Variants in PAK3 observed in about 807,000 individuals in gnomAD.
PAK3 encodes the protein p21 (RAC1) activated kinase 3.
Under a neutral mutation model 41.0 loss-of-function variants are expected in PAK3, and 4 were observed. That is an observed-to-expected ratio of 0.10 (90% CI 0.05 to 0.22). The LOEUF is 0.22. Ranked by LOEUF, PAK3 falls within the 10% of genes least tolerant of loss-of-function variation. The pLI is 1.00. For missense variants in PAK3, 205 were observed against 409.9 expected, an observed-to-expected ratio of 0.50 and a Z score of 4.32; for synonymous variants, 146 against 139.6, an observed-to-expected ratio of 1.05 and a Z score of -0.32.
intron 1 of PAK3, among the ~76,000 whole-genome samples, chrX:111,015,291 A>G (rs150416191): frequency 0.036 from 4,027 of 110,431 alleles, 172 homozygotes; most frequent in African/African-American, 0.12. Context: ...TTCCTTTTCT[A>G]TGACTGAATA....
At chrX:110,976,772 T>C (rs1471589147) in intron 1 of PAK3, among the ~76,000 whole-genome samples, 1 of 111,670 alleles carries the variant, frequency 9.0e-6, no homozygotes, top group African/African-American at 3.3e-5. Flanking sequence ...TGGAATACTA[T>C]GCAGCCATAA....
intron 1 of PAK3, among the ~76,000 whole-genome samples, chrX:111,027,575 C>T (rs113852283): frequency 0.019 from 2,159 of 112,094 alleles, 54 homozygotes; most frequent in African/African-American, 0.067. Context: ...AAATGCTCAA[C>T]ATCACTAATT....
intron 1 of PAK3, among the ~76,000 whole-genome samples, chrX:111,079,831 G>A (rs1267759441): frequency 8.9e-6 from 1 of 112,072 alleles, no homozygotes; most frequent in African/African-American, 3.2e-5. Flanking sequence ...GTATTAACAG[G>A]AGTTTGGAAG....
intron 3 of PAK3, among the ~76,000 whole-genome samples, chrX:111,098,208 C>T (rs2093044972): frequency 9.1e-6 from 1 of 109,939 alleles, no homozygotes; most frequent in Admixed American, 9.7e-5. Context: ...GGTGGACATA[C>T]CAGGTGAGGG....
intron 1 of PAK3, among the ~76,000 whole-genome samples, chrX:111,028,327 A>T (rs1203231921): frequency 1.8e-5 from 2 of 109,642 alleles, no homozygotes; most frequent in Non-Finnish European, 3.8e-5. Flanking sequence ...GCACAAAAAT[A>T]TCGGAAATCA....
At chrX:111,014,052 GT>G (rs2092051600) in intron 1 of PAK3, among the ~76,000 whole-genome samples, 1 of 111,982 alleles carries the variant, frequency 8.9e-6, no homozygotes, top group African/African-American at 3.2e-5. Context: ...CCTTTGAAAT[GT>G]TTCAAACATC....
At chrX:111,125,433 C>T (rs1407210197) in intron 5 of PAK3, among the ~76,000 whole-genome samples, 3 of 111,242 alleles carry the variant, frequency 2.7e-5, no homozygotes, top group Non-Finnish European at 5.7e-5. Context: ...TTCTTGTCTC[C>T]AGAGGTTATT....
At chrX:110,967,434 G>A (rs2091104687) in intron 1 of PAK3, among the ~76,000 whole-genome samples, 1 of 111,305 alleles carries the variant, frequency 9.0e-6, no homozygotes, top group South Asian at 3.9e-4. Flanking sequence ...ATAACTAGGG[G>A]CCACAAACTC....
intron 1 of PAK3, among the ~76,000 whole-genome samples, chrX:110,957,329 G>A (rs1045795237): frequency 8.9e-6 from 1 of 111,855 alleles, no homozygotes; most frequent in Admixed American, 9.5e-5. Flanking sequence ...TATATTGAGT[G>A]CTTACCATGT....
At chrX:111,095,704 T>A (rs1226223706), upstream of PAK3, among the ~76,000 whole-genome samples, 1 of 112,181 alleles carries the variant, frequency 8.9e-6, no homozygotes, top group African/African-American at 3.2e-5. Context: ...CTGTCTCTCT[T>A]AGTTTTCTGT....
chrX:111,222,814 A>G lies in PAK3; in HGVS notation c.*2367A>G, dbSNP rs926338081. 9.0e-6 allele frequency: 1 copy of G among 110,887 alleles called. No individual in the cohort carries two copies. The highest frequency in any genetic ancestry group is 1.9e-5 in the Non-Finnish European group (1 of 52,947). The allele number at this position is 110,887 out of a possible 1,213,427, so 9.1% of individuals were successfully genotyped here. ...GAGCAGTGACCCTTCAGATCACTGTAGGCAGAGAAATGGCTTCTCTCTTAT... is the reference window on the plus strand; with the variant it reads ...GAGCAGTGACCCTTCAGATCACTGTGGGCAGAGAAATGGCTTCTCTCTTAT... On this transcript the variant is annotated 3_prime_UTR_variant, in exon 18 of 18. Coordinates refer to ENST00000372007, the MANE Select transcript of PAK3 (RefSeq NM_002578.5).
At chrX:111,006,108 T>C (rs777548507) in intron 1 of PAK3, among the ~76,000 whole-genome samples, 4 of 110,998 alleles carry the variant, frequency 3.6e-5, no homozygotes, top group Non-Finnish European at 7.6e-5. Flanking sequence ...ATATGCAGAG[T>C]CCCCTCCCTC....
chrX:111,063,448 A>ATATC (rs2092674616), intron 1 of PAK3, among the ~76,000 whole-genome samples: 1 of 112,034 alleles, frequency 8.9e-6, no homozygotes, highest in African/African-American at 3.2e-5. Flanking sequence ...ATCTTATTCC[A>ATATC]TATCTATCTA....
intron 6 of PAK3, among the ~76,000 whole-genome samples, chrX:111,147,327 A>G (rs1156615056): frequency 8.9e-6 from 1 of 111,775 alleles, no homozygotes. Flanking sequence ...TTGTTATTCC[A>G]GTCATAAAAT....
At chrX:110,950,615 C>T (rs993916958) in intron 1 of PAK3, among the ~76,000 whole-genome samples, 4 of 111,456 alleles carry the variant, frequency 3.6e-5, no homozygotes, top group African/African-American at 1.3e-4. Context: ...TGTGATGTTC[C>T]GCTCCCTGTG....
At chrX:111,003,991 T>C (rs2091886475) in intron 1 of PAK3, among the ~76,000 whole-genome samples, 2 of 112,120 alleles carry the variant, frequency 1.8e-5, no homozygotes, top group South Asian at 7.5e-4. Flanking sequence ...TAATACAACA[T>C]ACCTGTGCTA....
intron 1 of PAK3, among the ~76,000 whole-genome samples, chrX:111,077,680 A>T (rs112099499): frequency 3.2e-4 from 36 of 112,105 alleles, no homozygotes; most frequent in Middle Eastern, 4.6e-3. Flanking sequence ...GAAGACTTAA[A>T]TATAATACTT....
chrX:110,983,309 C>T (rs1397199485), intron 1 of PAK3, among the ~76,000 whole-genome samples: 2 of 111,095 alleles, frequency 1.8e-5, no homozygotes, highest in Admixed American at 1.9e-4. Flanking sequence ...GTACCTTTTT[C>T]CTCTACTGAG....
intron 1 of PAK3, chrX:111,014,012 C>T (rs1018584513): frequency 1.8e-5 from 2 of 111,705 alleles, no homozygotes; most frequent in Non-Finnish European, 3.8e-5. Flanking sequence ...GTGTCAGTTA[C>T]GTGATCCATT....
Sources: gnomAD v4.1 joint callset for allele counts (sites outside exome capture counted in the v4.1 genomes callset) on GRCh38, gnomAD v4.1.1 for gene constraint, MANE v1.5 for transcripts, NCBI Gene and HGNC (gene_info 2026-07-23, HGNC 2026-07-21) for gene names.